Variants in GLDC observed in about 807,000 individuals in gnomAD.
The protein encoded by GLDC is glycine dehydrogenase (decarboxylating), mitochondrial.
GLDC carries 104 observed loss-of-function variants against 121.3 expected under a neutral mutation model. The ratio of observed to expected loss-of-function variants is 0.86; its 90% CI spans 0.73 to 1.01. The LOEUF (loss-of-function observed/expected upper bound fraction) is 1.01, where lower values mean the gene tolerates loss of function less well. Ranked by LOEUF, GLDC falls within the 50% of genes least tolerant of loss-of-function variation. The pLI is 0.00. For missense variants in GLDC, 1,429 were observed against 1,306.6 expected (o/e 1.09, Z -1.44); for synonymous variants, 546 against 480.6 (o/e 1.14, Z -1.78).
intron 15 of GLDC, among the ~76,000 whole-genome samples, chr9:6,585,413 C>T (rs138353301): frequency 6.6e-6 from 1 of 152,086 alleles, no homozygotes; most frequent in African/African-American, 2.4e-5. Context: ...TAAAACAAAA[C>T]AAAAATAAGT....
chr9:6,611,115 C>T (rs1169088952), intron 3 of GLDC, among the ~76,000 whole-genome samples: 3 of 152,146 alleles, frequency 2.0e-5, no homozygotes, highest in Non-Finnish European at 2.9e-5. Flanking sequence ...TCTCATTATC[C>T]AGTTACTAAG....
intron 2 of GLDC, among the ~76,000 whole-genome samples, chr9:6,630,224 G>A (rs1367842999): frequency 5.9e-5 from 9 of 151,842 alleles, no homozygotes; most frequent in African/African-American, 2.4e-5. Context: ...AGCCGAGATC[G>A]TGCCACTGCA....
chr9:6,607,656 G>T (rs796744556), intron 4 of GLDC, among the ~76,000 whole-genome samples: 1 of 151,632 alleles, frequency 6.6e-6, no homozygotes, highest in African/African-American at 2.4e-5. Context: ...TATTTTTGGT[G>T]GGGGGAGAAC....
intron 17 of GLDC, among the ~76,000 whole-genome samples, chr9:6,557,032 T>C (rs1268596691): frequency 6.6e-6 from 1 of 152,194 alleles, no homozygotes; most frequent in East Asian, 1.9e-4. Context: ...TCCTTTCCCT[T>C]GCCTTCTGTT....
rs778484895 is a variant in GLDC at position 6,553,496 on chromosome 9, C to A, written c.2329G>T (p.Ala777Ser). The A allele has an allele frequency of 1.2e-6, 2 of 1,611,658 alleles. No homozygotes were observed. The highest frequency in any genetic ancestry group is 1.7e-6 in the Non-Finnish European group (2 of 1,179,050). Residue 777 changes from alanine (A) to serine (S), a missense_variant, in exon 20 of 25, where the codon GCC (alanine) becomes TCC (serine). By Grantham distance (99) the Ala-to-Ser change is moderately conservative. Transcript: ENST00000321612. Reference sequence around the variant, plus strand: ...ACGGGATGATTGGGCAAAAACGGGGCGAGATGTTTCTTCCTGTATTTTTTT... The same window carrying A: ...ACGGGATGATTGGGCAAAAACGGGGAGAGATGTTTCTTCCTGTATTTTTTT... ...MGPIGVKKHL[A>S]PFLPNHPVIS...
At chr9:6,548,816 C>A (rs1381383868) in intron 21 of GLDC, among the ~76,000 whole-genome samples, 1 of 152,172 alleles carries the variant, frequency 6.6e-6, no homozygotes, top group Non-Finnish European at 1.5e-5. Flanking sequence ...TCCAGGGTGA[C>A]TTTGTTCCCC....
chr9:6,620,474 G>C (rs1819069039), intron 2 of GLDC, among the ~76,000 whole-genome samples, 155 bp from the exon 3 acceptor site: 1 of 147,242 alleles, frequency 6.8e-6, no homozygotes, highest in Non-Finnish European at 1.5e-5. Context: ...AGTACTGTAT[G>C]CGACATCTCA....
intron 11 of GLDC, among the ~76,000 whole-genome samples, chr9:6,590,458 C>T (rs1484265721): frequency 2.0e-5 from 3 of 152,166 alleles, no homozygotes; most frequent in African/African-American, 7.2e-5. Flanking sequence ...TGAGTTCTCA[C>T]TCTACTAGTT....
intron 8 of GLDC, among the ~76,000 whole-genome samples, chr9:6,598,383 G>C (rs566790066): frequency 2.0e-5 from 3 of 152,252 alleles, no homozygotes; most frequent in East Asian, 1.9e-4. Flanking sequence ...GGCTCAGAGA[G>C]ACTCCCTATA....
In GLDC at chr9:6,593,457, C is replaced by A. The variant is rs532590541; in HGVS notation, c.1262-467G>T. On this transcript the variant is annotated intron_variant, in intron 9 of 24. Coordinates refer to ENST00000321612, the MANE Select transcript of GLDC (RefSeq NM_000170.3). ...GGGATCAAGGACTCATGCCATCACA[C>A]CTGGCTAATAATTTTTTAAATTTTT... Among the ~76,000 whole-genome samples the A allele has an allele frequency of 1.3e-3, 196 of 151,880 alleles. 2 individuals carry two copies. Among genetic ancestry groups the A allele is most frequent in the African/African-American group, 4.2e-3 (174 of 41,420 alleles).
At chr9:6,561,969 G>C (rs992201820) in intron 16 of GLDC, among the ~76,000 whole-genome samples, 2 of 152,198 alleles carry the variant, frequency 1.3e-5, no homozygotes, top group African/African-American at 4.8e-5. Context: ...CAGGTTTTGA[G>C]CTTTCTTTGT....
At chr9:6,545,830 G>A (rs1384065182) in intron 21 of GLDC, among the ~76,000 whole-genome samples, 5 of 151,900 alleles carry the variant, frequency 3.3e-5, no homozygotes, top group Admixed American at 6.6e-5. Flanking sequence ...TAGTAGAGAC[G>A]GGGTTTCACC....
At chr9:6,541,436 T>G (rs934691975) in intron 21 of GLDC, 1 of 152,184 alleles carries the variant, frequency 6.6e-6, no homozygotes, top group Non-Finnish European at 1.5e-5. Flanking sequence ...AGAGCAAGCA[T>G]AACTTCTCAA....
intron 15 of GLDC, among the ~76,000 whole-genome samples, chr9:6,576,567 A>G (rs1053228177): frequency 1.3e-5 from 2 of 152,092 alleles, no homozygotes; most frequent in African/African-American, 4.8e-5. Context: ...CCCAGGTTCA[A>G]GCAATTGTCC....
Position 6,588,660 on chromosome 9 carries a change from C to T in GLDC, c.1623G>A (p.Leu541=). ...GAACAAGGGAAATGTCTTTATTTTC[C>T]AGTTTCTTCATGTACCGGACAATGT... ...ETNIVRYMKK[L]ENKDISLVHS... Residue 541 remains leucine (L), a synonymous_variant, in exon 13 of 25, where the codon CTG becomes CTA. Coordinates refer to ENST00000321612, the MANE Select transcript of GLDC (RefSeq NM_000170.3). The T allele has an allele frequency of 1.2e-6, 2 of 1,613,320 alleles. No homozygotes were observed.
chr9:6,606,606 G>C lies in GLDC; in HGVS notation c.699C>G (p.Val233=), dbSNP rs372130842. ...AAATTAATTACTTGGCTCGAGTCTG[G>C]ACAACAGCTATTGTCTGTGGGTGGC... The part of the protein sequence containing the change: ...PRCHPQTIAV[V]QTRAKYTGVL... Residue 233 remains valine (V), a synonymous_variant, in exon 5 of 25, where the codon GTC becomes GTG. Transcript: ENST00000321612. 1.9e-6 allele frequency: 3 copies of C among 1,594,632 alleles called. No individual in the cohort carries two copies. Among genetic ancestry groups the C allele is most frequent in the South Asian group, 1.1e-5 (1 of 90,682 alleles).
In GLDC at chr9:6,633,243, T is replaced by A. The variant is rs188149112; in HGVS notation, c.334+11371A>T. On this transcript the variant is annotated intron_variant, in intron 2 of 24. Transcript: ENST00000321612. ...TGAAAATATATCCTTCTGCCTCTGA[T>A]GACTTCATCTCAGACTGCCCTGCCT... 2.0e-5 allele frequency among the ~76,000 whole-genome samples: 3 copies of A among 152,316 alleles called. No homozygotes were observed. In the East Asian group the frequency reaches 5.8e-4, roughly 29 times the overall value.
At chr9:6,590,867 G>A (rs763034053) in intron 11 of GLDC, among the ~76,000 whole-genome samples, 16 of 152,294 alleles carry the variant, frequency 1.1e-4, no homozygotes, top group Non-Finnish European at 2.1e-4. Context: ...ACACTGTGAT[G>A]CTTCTTTGAT....
At chr9:6,564,712 G>A (rs1817820486) in intron 16 of GLDC, among the ~76,000 whole-genome samples, 2 of 152,256 alleles carry the variant, frequency 1.3e-5, no homozygotes, top group African/African-American at 4.8e-5. Flanking sequence ...TTAGGCCACT[G>A]CTACAGGCAC....
Sources: gnomAD v4.1 joint callset for allele counts (sites outside exome capture counted in the v4.1 genomes callset) on GRCh38, gnomAD v4.1.1 for gene constraint, MANE v1.5 for transcripts, NCBI Gene and HGNC (gene_info 2026-07-23, HGNC 2026-07-21) for gene names.